The following TMEM232 variants were observed in gnomAD, a reference collection of about 807,000 sequenced individuals.
TMEM232 encodes transmembrane protein 232.
Under a neutral mutation model 78.8 loss-of-function variants are expected in TMEM232, and 80 were observed. The ratio of observed to expected loss-of-function variants is 1.01; its 90% CI spans 0.85 to 1.22. The LOEUF (loss-of-function observed/expected upper bound fraction) is 1.22, where lower values mean the gene tolerates loss of function less well. Ranked by LOEUF, TMEM232 falls within the 50% of genes most tolerant of loss-of-function variation. The probability of loss-of-function intolerance (pLI) is 0.00; values close to 1 mark genes in which losing one functional copy is unlikely to be tolerated. For synonymous variants in TMEM232, 297 were observed against 254.3 expected, an observed-to-expected ratio of 1.17 and a Z score of -1.60; for missense variants, 881 against 742.2, an observed-to-expected ratio of 1.19 and a Z score of -2.17.
chr5:110,400,918 G>T (rs1363245936), intron 2 of TMEM232, among the ~76,000 whole-genome samples: 1 of 151,902 alleles, frequency 6.6e-6, no homozygotes. Context: ...TAATCATTAG[G>T]ATATAGATAT....
Position 110,642,330 on chromosome 5 carries a change from T to C in TMEM232, c.167A>G (p.Asn56Ser). Residue 56 changes from asparagine (N) to serine (S), a missense_variant, in exon 3 of 14, where the codon AAT becomes AGT. Coordinates refer to ENST00000455884, the MANE Select transcript of TMEM232 (RefSeq NM_001039763.4). Reference protein sequence around the residue: ...SITKEFILRFNQTQNSKEKEE... With the variant: ...SITKEFILRFSQTQNSKEKEE... The stretch of plus-strand genomic sequence containing the variant: ...CTTCTCTTTGGAATTTTGTGTTTGA[T>C]TGAATCTCAAGATGAATTCTTTTGT... 6 of 1,538,266 alleles carry C rather than the reference T, an allele frequency of 3.9e-6. No individual in the cohort carries two copies. Among genetic ancestry groups the C allele is most frequent in the South Asian group, 3.7e-5 (3 of 80,806 alleles).
intron 10 of TMEM232, among the ~76,000 whole-genome samples, chr5:110,596,969 C>G (rs567632415): frequency 6.6e-6 from 1 of 152,264 alleles, no homozygotes; most frequent in South Asian, 2.1e-4. Context: ...TAGGGATGAC[C>G]TCTCTCACCC....
chr5:110,440,283 G>T (rs560232966), intron 12 of TMEM232, among the ~76,000 whole-genome samples: 5 of 152,208 alleles, frequency 3.3e-5, no homozygotes, highest in Admixed American at 2.6e-4. Context: ...ATTGAAACTG[G>T]TTGCTCCCTA....
chr5:110,582,992 T>G, intron 10 of TMEM232, among the ~76,000 whole-genome samples: 1 of 151,946 alleles, frequency 6.6e-6, no homozygotes, highest in Non-Finnish European at 1.5e-5. Context: ...CAAAACATTG[T>G]TTAAAAACTT....
intron 2 of TMEM232, among the ~76,000 whole-genome samples, chr5:110,645,466 A>C (rs1787352942): frequency 6.6e-6 from 1 of 151,458 alleles, no homozygotes; most frequent in Non-Finnish European, 1.5e-5. Context: ...CAAAAAAAAA[A>C]AAAAGGTCAA....
chr5:110,457,447 T>C (rs907869916), intron 12 of TMEM232, among the ~76,000 whole-genome samples: 9 of 152,238 alleles, frequency 5.9e-5, no homozygotes, highest in African/African-American at 1.9e-4. Flanking sequence ...AGAAAACAGT[T>C]TGGTTATTTT....
At position 110,625,391 on chromosome 5, in the gene TMEM232, A is replaced by G. The variant is rs1185426345; in HGVS notation, c.644T>C (p.Ile215Thr). The change falls in exon 7 of 14, where the codon ATC (isoleucine) becomes ACC (threonine). Residue 215 changes from isoleucine (I) to threonine (T), a missense_variant. Coordinates refer to ENST00000455884, the MANE Select transcript of TMEM232 (RefSeq NM_001039763.4). ...CAGGATGAATTGCACATTTGAAAAG[A>G]TGTTTGGATACTTGTGATATGATGC... ...SGASYHKYPN[I>T]FSNVQFILKA... 1 of 1,545,408 alleles carries G rather than the reference A, an allele frequency of 6.5e-7. No homozygotes were observed. Among genetic ancestry groups the G allele is most frequent in the East Asian group, 2.5e-5 (1 of 40,658 alleles).
chr5:110,441,955 T>C (rs1436668162), intron 12 of TMEM232, among the ~76,000 whole-genome samples: 2 of 151,664 alleles, frequency 1.3e-5, no homozygotes, highest in Admixed American at 1.3e-4. Context: ...CACTCTCTCC[T>C]GGCCTGTAAG....
intron 12 of TMEM232, among the ~76,000 whole-genome samples, chr5:110,458,925 G>A (rs1005348459): frequency 6.6e-6 from 1 of 152,060 alleles, no homozygotes; most frequent in African/African-American, 2.4e-5. Context: ...CATTATAGTG[G>A]TATTCTACTG....
At position 110,694,683 on chromosome 5, in the gene TMEM232, C is replaced by G. The variant is rs186918508; in HGVS notation, c.-12-27319G>C. The stretch of plus-strand genomic sequence containing the variant: ...GTCGCTGATAAAACAGACTTTAAAC[C>G]AACAAAGATCAACAGAGACAAAGAA... On this transcript the variant is annotated intron_variant, in intron 1 of 13. Coordinates refer to ENST00000455884, the MANE Select transcript of TMEM232 (RefSeq NM_001039763.4). Among the ~76,000 whole-genome samples the G allele has an allele frequency of 4.5e-4, 68 of 151,800 alleles. No homozygotes were observed. The East Asian group carries it at 0.012, about 26-fold the overall frequency.
At chr5:110,629,668 T>C (rs143249984) in intron 5 of TMEM232, among the ~76,000 whole-genome samples, 1 of 152,266 alleles carries the variant, frequency 6.6e-6, no homozygotes, top group African/African-American at 2.4e-5. Flanking sequence ...TTTTTTCTGA[T>C]ACTTTTATCT....
chr5:110,734,561 T>G (rs1211033064), intron 2 of TMEM232, among the ~76,000 whole-genome samples: 1 of 152,200 alleles, frequency 6.6e-6, no homozygotes, highest in African/African-American at 2.4e-5. Flanking sequence ...CACCATCTTC[T>G]GAACATAAAT....
rs184392457 is a variant in TMEM232 at position 110,661,251 on chromosome 5, G to C, written c.125+5977C>G. ...TTTATCATGCATGGACACTTAGATT[G>C]ATTCCATATCTTGGCTATTGTGAAT... On this transcript the variant is annotated intron_variant, in intron 2 of 13. Coordinates refer to ENST00000455884, the MANE Select transcript of TMEM232 (RefSeq NM_001039763.4). 1.6e-4 allele frequency among the ~76,000 whole-genome samples: 25 copies of C among 152,216 alleles called. No homozygotes were observed. In the East Asian group the frequency reaches 4.8e-3, roughly 29 times the overall value.
In TMEM232 at chr5:110,610,959, A is replaced by T. The variant is rs1305347315; in HGVS notation, c.903-4672T>A. ...AGAAATTTATTCAAGCTAAGAAAGA[A>T]ATTAATAGTATTGAACAGTTTAAGA... On this transcript the variant is annotated intron_variant, in intron 8 of 13. Coordinates refer to ENST00000455884, the MANE Select transcript of TMEM232 (RefSeq NM_001039763.4). 2.0e-5 allele frequency among the ~76,000 whole-genome samples: 3 copies of T among 152,318 alleles called. No homozygotes were observed. In the East Asian group the frequency reaches 5.8e-4, roughly 29 times the overall value.
At chr5:110,563,819 G>A (rs904668227) in intron 11 of TMEM232, among the ~76,000 whole-genome samples, 1 of 151,902 alleles carries the variant, frequency 6.6e-6, no homozygotes, top group African/African-American at 2.4e-5. Flanking sequence ...AAGCACAGTT[G>A]CATAAAAGCA....
At chr5:110,561,053 C>G (rs1223890171) in intron 11 of TMEM232, among the ~76,000 whole-genome samples, 2 of 151,924 alleles carry the variant, frequency 1.3e-5, no homozygotes, top group Non-Finnish European at 2.9e-5. Flanking sequence ...TATAATGAAG[C>G]CAGAAGCAAA....
chr5:110,685,489 A>G (rs1279437103), intron 1 of TMEM232, among the ~76,000 whole-genome samples: 1 of 152,170 alleles, frequency 6.6e-6, no homozygotes, highest in Admixed American at 6.6e-5. Flanking sequence ...AATTGCTAAC[A>G]TTAAAAAAAC....
chr5:110,475,465 T>TG (rs2149384142), intron 12 of TMEM232, among the ~76,000 whole-genome samples: 2 of 149,974 alleles, frequency 1.3e-5, no homozygotes, highest in Admixed American at 1.3e-4. Context: ...TTTTTTTTTT[T>TG]TTTTACAAAA....
At chr5:110,530,204 C>A (rs1204851176) in intron 11 of TMEM232, among the ~76,000 whole-genome samples, 2 of 152,002 alleles carry the variant, frequency 1.3e-5, no homozygotes, top group East Asian at 3.9e-4. Context: ...AGGATATAGA[C>A]TGAACGAAAA....
Sources: allele counts gnomAD v4.1 joint callset (sites outside exome capture counted in the v4.1 genomes callset), GRCh38; gene constraint gnomAD v4.1.1; transcripts MANE v1.5; gene names NCBI Gene and HGNC (gene_info 2026-07-23, HGNC 2026-07-21).